Variants in TFAP4 observed in about 807,000 individuals in gnomAD.
TFAP4 encodes the protein activating enhancer-binding protein 4.
In TFAP4, 7 loss-of-function variants were observed where a neutral mutation model predicts 40.4. The observed-to-expected ratio is 0.17, with a 90% CI of 0.10 to 0.33. The LOEUF is 0.33. TFAP4 is among the 10% of genes least tolerant of loss of function. TFAP4 has a pLI of 1.00. For missense variants in TFAP4, 374 were observed against 451.1 expected, an observed-to-expected ratio of 0.83 and a Z score of 1.55; for synonymous variants, 218 against 181.4, an observed-to-expected ratio of 1.20 and a Z score of -1.62.
At chr16:4,259,926 A>T (rs1025412492) in intron 6 of TFAP4, among the ~76,000 whole-genome samples, 164 bp downstream of exon 6, 2 of 152,138 alleles carry the variant, frequency 1.3e-5, no homozygotes, top group African/African-American at 4.8e-5. Context: ...CACATTCTCC[A>T]CTTGCAGATC....
intron 1 of TFAP4, chr16:4,264,613 G>C (rs886507339): frequency 1.3e-5 from 2 of 152,426 alleles, no homozygotes; most frequent in Non-Finnish European, 2.9e-5. Context: ...GGGTCGGTCA[G>C]CTGGATGTCA....
rs564319619 is a variant in TFAP4, at chr16:4,262,046, G to C, written c.355-97C>G. 2.2e-6 allele frequency: 3 copies of C among 1,334,818 alleles called. No individual in the cohort carries two copies. The South Asian group carries it at 4.4e-5, about 20-fold the overall frequency. 82.7% of individuals were successfully genotyped at this position (1,334,818 alleles called of 1,614,324 possible). A position where few individuals can be genotyped will look rare whatever the true frequency, so the allele number is the denominator to read the frequency against. ...AGCCCCCCAAAGCTGCCCAACACAGGTGAATCTTCATTAGGGAGCCCCTTC... is the reference window on the plus strand; with the variant it reads ...AGCCCCCCAAAGCTGCCCAACACAGCTGAATCTTCATTAGGGAGCCCCTTC... On this transcript the variant is annotated intron_variant, in intron 3 of 6. Transcript: ENST00000204517.
At chr16:4,259,259 G>A (rs182540737) in intron 6 of TFAP4, among the ~76,000 whole-genome samples, 19 of 151,686 alleles carry the variant, frequency 1.3e-4, no homozygotes, top group African/African-American at 3.4e-4. Context: ...TCAGCCTCCC[G>A]AATAGCTGGG....
At chr16:4,259,360 C>T (rs796229183) in intron 6 of TFAP4, among the ~76,000 whole-genome samples, 155 of 152,172 alleles carry the variant, frequency 1.0e-3, no homozygotes, top group African/African-American at 3.4e-3. Context: ...GTCTCGAACT[C>T]CTGACCTCAA....
intron 6 of TFAP4, among the ~76,000 whole-genome samples, chr16:4,259,552 T>A (rs563139075): frequency 1.3e-5 from 2 of 152,356 alleles, no homozygotes; most frequent in East Asian, 3.9e-4. Context: ...TGATGGATTT[T>A]TTTTCCTGTT....
chr16:4,262,984 G>A, intron 1 of TFAP4: 1 of 444,462 alleles, frequency 2.2e-6, no homozygotes, highest in Non-Finnish European at 4.1e-6. Context: ...GATCAGCCTA[G>A]GCAACGTAGT....
rs1227927639 is a variant in TFAP4, at chr16:4,258,147, T to TG, written c.924dup (p.Thr309HisfsTer3). 6.2e-7 allele frequency: 1 copy of TG among 1,613,524 alleles called. No homozygotes were observed. Among genetic ancestry groups the TG allele is most frequent in the Non-Finnish European group, 8.5e-7 (1 of 1,179,880 alleles). Reference sequence around the variant, plus strand: ...TCGGAGTCGGAGGCGGTGTCAGAGGTGGGGGCCTCCGGGCAGCTGCGGACA... The same window carrying TG: ...TCGGAGTCGGAGGCGGTGTCAGAGGTGGGGGGCCTCCGGGCAGCTGCGGACA... On this transcript the variant is annotated frameshift_variant, in exon 7 of 7. Transcript: ENST00000204517. LOFTEE classifies it high-confidence loss of function.
chr16:4,261,488 CGT>C (rs2052947807), intron 4 of TFAP4, among the ~76,000 whole-genome samples: 2 of 151,950 alleles, frequency 1.3e-5, no homozygotes, highest in Admixed American at 1.3e-4. Flanking sequence ...GGGGTTTCAC[CGT>C]GTTAGCCAGG....
At chr16:4,263,403 C>T (rs369289411) in intron 1 of TFAP4, 1 of 152,232 alleles carries the variant, frequency 6.6e-6, no homozygotes, top group Non-Finnish European at 1.5e-5. Flanking sequence ...GGGACGCTGT[C>T]CCCGCTCCTG....
chr16:4,257,332 GAAA>G lies in TFAP4; in HGVS notation c.*720_*722del, dbSNP rs1310092955. The G allele has an allele frequency of 7.5e-6, 1 of 133,226 alleles. No homozygotes were observed. Among genetic ancestry groups the G allele is most frequent in the African/African-American group, 2.8e-5 (1 of 35,342 alleles). The allele number at this position is 133,226 out of a possible 1,614,324, so 8.3% of individuals were successfully genotyped here. ...ATTGTAAAAAAAAAAAAAAAAGAAA[GAAA>G]AAAAAGAAAAACAAAACAAAAACAG... On this transcript the variant is annotated 3_prime_UTR_variant, in exon 7 of 7. Coordinates refer to ENST00000204517, the MANE Select transcript of TFAP4 (RefSeq NM_003223.3).
At chr16:4,269,885 T>G (rs2053028141) in intron 1 of TFAP4, among the ~76,000 whole-genome samples, 1 of 152,120 alleles carries the variant, frequency 6.6e-6, no homozygotes, top group Non-Finnish European at 1.5e-5. Flanking sequence ...ATATACCTGC[T>G]TTTAAGACTC....
At chr16:4,267,704 C>T (rs559971287) in intron 1 of TFAP4, among the ~76,000 whole-genome samples, 1 of 152,066 alleles carries the variant, frequency 6.6e-6, no homozygotes, top group Non-Finnish European at 1.5e-5. Flanking sequence ...CCTGAAGTCA[C>T]TCACATACCT....
intron 1 of TFAP4, among the ~76,000 whole-genome samples, chr16:4,267,786 C>G (rs2053009180): frequency 6.6e-6 from 1 of 152,234 alleles, no homozygotes; most frequent in Admixed American, 6.5e-5. Context: ...CAAAAAAGCA[C>G]TAAGGCACTC....
At chr16:4,258,401 G>C in intron 6 of TFAP4, 152 bp from the exon 7 acceptor site, 1 of 665,706 alleles carries the variant, frequency 1.5e-6, no homozygotes, top group Non-Finnish European at 2.5e-6. Flanking sequence ...CTAGAGTACA[G>C]GAAAAACAAA....
At position 4,262,193 on chromosome 16, in the gene TFAP4, G is replaced by GA. The variant is rs538450530; in HGVS notation, c.354+130dup. 346 of 1,145,640 alleles carry GA rather than the reference G, an allele frequency of 3.0e-4. 1 individual carries two copies. In the African/African-American group the frequency reaches 3.9e-3, roughly 13 times the overall value. The allele number at this position is 1,145,640 out of a possible 1,614,324, so 71.0% of individuals were successfully genotyped here. The stretch of plus-strand genomic sequence containing the variant: ...GATGGGGAAACTGAGGCCGGGGCAG[G>GA]AAAAAAAGTGCCTGGAAGTACTTGT... On this transcript the variant is annotated intron_variant, in intron 3 of 6. Transcript: ENST00000204517.
At chr16:4,272,370 G>A (rs367831570) in intron 1 of TFAP4, among the ~76,000 whole-genome samples, 1 of 152,114 alleles carries the variant, frequency 6.6e-6, no homozygotes, top group Non-Finnish European at 1.5e-5. Flanking sequence ...AAGCATGGCC[G>A]GGACTGCTGC....
chr16:4,272,995 TGTGTG>T lies in TFAP4; in HGVS notation c.-254_-250del. The T allele has an allele frequency of 2.1e-6, 1 of 468,634 alleles. No homozygotes were observed. 29.0% of individuals were successfully genotyped at this position (468,634 alleles called of 1,614,324 possible). A position where few individuals can be genotyped will look rare whatever the true frequency, so the allele number is the denominator to read the frequency against. On this transcript the variant is annotated 5_prime_UTR_variant, in exon 1 of 7. Transcript: ENST00000204517. ...GTGTGTGTGTGTGTGTGTGTGTGTG[TGTGTG>T]TGTTTGCAGCTGATCAGATGTCTGT...
At chr16:4,268,438 G>A (rs1422684127) in intron 1 of TFAP4, among the ~76,000 whole-genome samples, 1 of 152,152 alleles carries the variant, frequency 6.6e-6, no homozygotes, top group Admixed American at 6.6e-5. Flanking sequence ...CTGAGGACAG[G>A]AGTCACATCC....
chr16:4,262,011 G>A (rs1395526522), intron 3 of TFAP4, 62 bp from the exon 4 acceptor site: 1 of 1,493,610 alleles, frequency 6.7e-7, no homozygotes, highest in Non-Finnish European at 8.9e-7. Context: ...GGAGATTGGG[G>A]TTCCATCGCA....
Sources: allele counts gnomAD v4.1 joint callset (sites outside exome capture counted in the v4.1 genomes callset), GRCh38; gene constraint gnomAD v4.1.1; transcripts MANE v1.5; gene names NCBI Gene and HGNC (gene_info 2026-07-23, HGNC 2026-07-21).